Variants in LCOR observed in about 807,000 individuals in gnomAD.
The protein encoded by LCOR is ligand-dependent corepressor.
A neutral mutation model predicts 64.4 loss-of-function variants in LCOR; 14 were observed. The ratio of observed to expected loss-of-function variants is 0.22; its 90% confidence interval spans 0.14 to 0.34. LCOR has a LOEUF of 0.34. LCOR is among the 10% of genes least tolerant of loss of function. The pLI is 1.00. For synonymous variants in LCOR, 643 were observed against 642.5 expected (o/e 1.00, Z -0.01); for missense variants, 1,686 against 1,765.3 (o/e 0.96, Z 0.80).
intron 2 of LCOR, among the ~76,000 whole-genome samples, chr10:96,862,373 C>T (rs1330697631): frequency 6.6e-6 from 1 of 152,064 alleles, no homozygotes; most frequent in African/African-American, 2.4e-5. Context: ...TGAAGCAGTC[C>T]TCCCACCTCA....
rs1847637538 is a variant in LCOR at position 96,949,286 on chromosome 10, A to G, written c.229A>G (p.Ser77Gly). ...LTVRKSQSEP[S>G]EQDGVLDLST... ...TGTCAGAAAGTCTCAGTCAGAACCT[A>G]GCGAACAAGGTATGGTTTGATGTCA... The change falls in exon 6 of 8, where the codon AGC becomes GGC. Residue 77 changes from serine to glycine, a missense_variant. By Grantham distance (56) the Ser-to-Gly change is moderately conservative. Around this residue, in one of 3 missense-constraint regions of LCOR, gnomAD observed 80 missense variants for 107.7 expected, o/e 0.74. Transcript: ENST00000421806. 2.5e-6 allele frequency: 4 copies of G among 1,614,092 alleles called. No homozygotes were observed.
At position 96,984,321 on chromosome 10, in the gene LCOR, G is replaced by A; in HGVS notation, c.3861G>A (p.Glu1287=). The change falls in exon 8 of 8, where the codon GAG becomes GAA. Residue 1287 remains glutamate (E), a synonymous_variant. Transcript: ENST00000421806. ...GCCCTAATTCTGAAGACAGCATAGA[G>A]GAAGTCAAGGAAGATAGAAACAGTC... ...SPGPNSEDSI[E]EVKEDRNSHP... is the part of the protein sequence containing the mutation. 6.2e-7 allele frequency: 1 copy of A among 1,614,120 alleles called. No homozygotes were observed. Among genetic ancestry groups the A allele is most frequent in the East Asian group, 2.2e-5 (1 of 44,890 alleles).
intron 2 of LCOR, among the ~76,000 whole-genome samples, chr10:96,906,737 T>TA (rs1240533081): frequency 1.3e-5 from 2 of 152,210 alleles, no homozygotes; most frequent in South Asian, 2.1e-4. Flanking sequence ...GTTAAATACT[T>TA]ACAAAAGTCT....
chr10:96,920,811 G>T (rs1214817590), intron 4 of LCOR, among the ~76,000 whole-genome samples: 2 of 149,650 alleles, frequency 1.3e-5, no homozygotes, highest in African/African-American at 2.5e-5. Context: ...GGGGGTGGTG[G>T]GCGGGAGACA....
chr10:96,855,746 T>G (rs1489732018), intron 2 of LCOR, among the ~76,000 whole-genome samples: 1 of 148,354 alleles, frequency 6.7e-6, no homozygotes, highest in Non-Finnish European at 1.5e-5. Context: ...TGTCTAATGC[T>G]TTTGTTTTGT....
chr10:96,837,983 G>A (rs1476470589), intron 2 of LCOR, among the ~76,000 whole-genome samples: 1 of 152,172 alleles, frequency 6.6e-6, no homozygotes, highest in Non-Finnish European at 1.5e-5. Context: ...AGTTTCAAAT[G>A]AAAAACTCAA....
intron 7 of LCOR, chr10:96,955,121 C>G (rs751427282): frequency 2.5e-6 from 4 of 1,614,182 alleles, no homozygotes; most frequent in Non-Finnish European, 3.4e-6. Flanking sequence ...TGAGCAGAAA[C>G]CAATTGTCCA....
rs1013225928 is a variant in LCOR at position 96,995,613 on chromosome 10, T to TAAAAC, written c.*10482_*10486dup. 1 of 152,232 alleles carries TAAAAC rather than the reference T, an allele frequency of 6.6e-6. No individual in the cohort carries two copies. The highest frequency in any genetic ancestry group is 1.5e-5 in the Non-Finnish European group (1 of 68,044). 9.4% of individuals were successfully genotyped at this position (152,232 alleles called of 1,614,324 possible). ...AATTTTAAAATATATTAAGTTGCTT[T>TAAAAC]AAAACAATATGTATAGCTATAAAAG... On this transcript the variant is annotated 3_prime_UTR_variant, in exon 8 of 8. Transcript: ENST00000421806. This position sits in a 1 kb window ranked among gnomAD's most constrained non-coding sequence, Gnocchi z 4.2.
At chr10:96,877,805 G>A (rs1846195128) in intron 2 of LCOR, among the ~76,000 whole-genome samples, 3 of 151,922 alleles carry the variant, frequency 2.0e-5, no homozygotes, top group South Asian at 4.2e-4. Context: ...TAGAGACGGG[G>A]TTTCACCGCA....
chr10:96,904,131 G>C (rs1253095549), intron 2 of LCOR, among the ~76,000 whole-genome samples: 5 of 152,198 alleles, frequency 3.3e-5, no homozygotes, highest in Admixed American at 3.3e-4. Flanking sequence ...TAACATGGCA[G>C]CTCAACACTG....
rs1467539571 is a variant in LCOR at position 96,910,664 on chromosome 10, TAGAA to T, written c.-184+2922_-184+2925del. ...TTAAGGCTGGCTTAAGATTCTAAAA[TAGAA>T]AGAACTATCTGGAGAATATGGTAAT... On this transcript the variant is annotated intron_variant, in intron 4 of 7. Transcript: ENST00000421806. 9.9e-5 allele frequency among the ~76,000 whole-genome samples: 15 copies of T among 152,282 alleles called. 1 individual carries two copies. In the South Asian group the frequency reaches 1.9e-3, roughly 19 times the overall value.
chr10:96,979,951 C>T (rs1230275635), intron 7 of LCOR, among the ~76,000 whole-genome samples: 1 of 152,182 alleles, frequency 6.6e-6, no homozygotes, highest in East Asian at 1.9e-4. Flanking sequence ...CGAGACCAGC[C>T]TGGGCAACAT....
chr10:96,920,912 C>A (rs377749666), intron 4 of LCOR, among the ~76,000 whole-genome samples: 2 of 151,866 alleles, frequency 1.3e-5, no homozygotes, highest in African/African-American at 4.8e-5. Context: ...ATCCTCCTGC[C>A]TCAGCCTCCC....
At position 96,982,553 on chromosome 10, in the gene LCOR, G is replaced by C; in HGVS notation, c.2093G>C (p.Arg698Thr). Residue 698 changes from arginine to threonine, a missense_variant, in exon 8 of 8, where the codon AGA becomes ACA. Transcript: ENST00000421806. Reference sequence around the variant, plus strand: ...CATTCTCCTCCTGAAATAGTCAGTAGAGAAGAAAGTCCTCAGTGCTCAGAA... The same window carrying C: ...CATTCTCCTCCTGAAATAGTCAGTACAGAAGAAAGTCCTCAGTGCTCAGAA... The part of the protein sequence containing the change: ...RPHSPPEIVS[R>T]EESPQCSENQ... 1 of 1,614,182 alleles carries C rather than the reference G, an allele frequency of 6.2e-7. No individual in the cohort carries two copies. Among genetic ancestry groups the C allele is most frequent in the African/African-American group, 1.3e-5 (1 of 75,048 alleles).
intron 2 of LCOR, among the ~76,000 whole-genome samples, chr10:96,901,733 A>G (rs1342662065): frequency 6.6e-6 from 1 of 151,996 alleles, no homozygotes; most frequent in African/African-American, 2.4e-5. Context: ...ATATTAGGCC[A>G]TTTCTTCCTT....
intron 2 of LCOR, among the ~76,000 whole-genome samples, chr10:96,849,011 G>GTTTTTTTTTTT (rs144865916): frequency 9.4e-6 from 1 of 106,544 alleles, no homozygotes; most frequent in Non-Finnish European, 1.7e-5. Flanking sequence ...AGTTGAAAAT[G>GTTTTTTTTTTT]TTTTTTTTTT....
intron 1 of LCOR, among the ~76,000 whole-genome samples, chr10:96,832,729 C>T (rs1419260691): frequency 6.6e-6 from 1 of 150,978 alleles, no homozygotes; most frequent in East Asian, 2.0e-4. Flanking sequence ...GCTCCCGCTC[C>T]AGGCCCGGCG....
At chr10:96,927,542 A>G (rs1185794445) in intron 4 of LCOR, among the ~76,000 whole-genome samples, 2 of 152,104 alleles carry the variant, frequency 1.3e-5, no homozygotes, top group South Asian at 4.1e-4. Context: ...ATCTTTGCCT[A>G]TACCAAATGC....
chr10:96,855,714 G>A (rs945312967), intron 2 of LCOR, among the ~76,000 whole-genome samples: 3 of 152,024 alleles, frequency 2.0e-5, no homozygotes, highest in Non-Finnish European at 4.4e-5. Context: ...GGGATTACAG[G>A]CATGAGCCAC....
Sources: allele counts gnomAD v4.1 joint callset (sites outside exome capture counted in the v4.1 genomes callset), GRCh38; gene constraint gnomAD v4.1.1; regional missense constraint gnomAD v4.1.1; non-coding constraint Gnocchi (gnomAD v3.1); transcripts MANE v1.5; gene names NCBI Gene and HGNC (gene_info 2026-07-23, HGNC 2026-07-21).